HPSE2: variants seen among roughly 807,000 people sequenced by gnomAD.
The protein encoded by HPSE2 is inactive heparanase-2.
In HPSE2, 38 loss-of-function variants were observed where a neutral mutation model predicts 60.5. The observed-to-expected ratio is 0.63, with a 90% CI of 0.48 to 0.82. The LOEUF (loss-of-function observed/expected upper bound fraction) is 0.82. HPSE2 is among the 40% of genes least tolerant of loss of function. HPSE2 has a pLI of 0.00. For synonymous variants in HPSE2, 295 were observed against 293.2 expected, an observed-to-expected ratio of 1.01 and a Z score of -0.06; for missense variants, 713 against 740.4, an observed-to-expected ratio of 0.96 and a Z score of 0.43.
chr10:98,531,160 C>G (rs1259772266), intron 9 of HPSE2, among the ~76,000 whole-genome samples: 1 of 152,128 alleles, frequency 6.6e-6, no homozygotes, highest in Non-Finnish European at 1.5e-5. Flanking sequence ...AGATCAAAAG[C>G]AATAGGTGCT....
chr10:99,128,237 A>T (rs1845238700), intron 3 of HPSE2, among the ~76,000 whole-genome samples: 1 of 152,202 alleles, frequency 6.6e-6, no homozygotes, highest in African/African-American at 2.4e-5. Context: ...CTGGGAATGT[A>T]AGTTAGTTCA....
the HPSE2 span, among the ~76,000 whole-genome samples, chr10:99,292,187 G>T: frequency 6.6e-6 from 1 of 152,318 alleles, no homozygotes; most frequent in South Asian, 2.1e-4. Flanking sequence ...CAAGTAGCCA[G>T]ACACATCACA....
chr10:98,879,123 G>A (rs1200870995), intron 3 of HPSE2, among the ~76,000 whole-genome samples: 2 of 152,020 alleles, frequency 1.3e-5, no homozygotes, highest in African/African-American at 4.8e-5. Flanking sequence ...TAGTGGAGCT[G>A]TCAATGTGGT....
chr10:98,462,844 C>G (rs1940356407), intron 11 of HPSE2, among the ~76,000 whole-genome samples: 1 of 152,102 alleles, frequency 6.6e-6, no homozygotes, highest in Non-Finnish European at 1.5e-5. Flanking sequence ...TGTATCTCTA[C>G]CCTACCTACA....
chr10:98,561,373 CA>C, intron 9 of HPSE2, among the ~76,000 whole-genome samples: 1 of 150,938 alleles, frequency 6.6e-6, no homozygotes. Flanking sequence ...CAATAAACTT[CA>C]AAAGGTAAAA....
At chr10:99,313,592 ATTTTTTTT>A in the HPSE2 span, among the ~76,000 whole-genome samples, 1 of 84,622 alleles carries the variant, frequency 1.2e-5, no homozygotes, top group Non-Finnish European at 2.0e-5. Flanking sequence ...ACTGACTCCA[ATTTTTTTT>A]TTTTTTTTTT....
At chr10:99,116,455 T>G (rs1326746601) in intron 3 of HPSE2, among the ~76,000 whole-genome samples, 5 of 152,142 alleles carry the variant, frequency 3.3e-5, no homozygotes, top group Non-Finnish European at 7.3e-5. Context: ...AAGACAATGA[T>G]TCCTAAAATA....
Position 99,144,383 on chromosome 10 carries a change from A to T in HPSE2, c.465T>A (p.Asp155Glu). ...AGCCTTTCTGTTTATCTAAGGCAACATCACTTCGAACAATGTCTACAAAAA... is the reference window on the plus strand; with the variant it reads ...AGCCTTTCTGTTTATCTAAGGCAACTTCACTTCGAACAATGTCTACAAAAA... ...KNYEDDIVRS[D>E]VALDKQKGCK... Residue 155 changes from aspartate (D) to glutamate (E), a missense_variant, in exon 3 of 12, where the codon GAT (aspartate) becomes GAA (glutamate). Asp to Glu is a conservative substitution (Grantham distance 45, BLOSUM62 2). Transcript: ENST00000370552. 6.2e-7 allele frequency: 1 copy of T among 1,613,816 alleles called. No individual in the cohort carries two copies. The highest frequency in any genetic ancestry group is 2.2e-5 in the East Asian group (1 of 44,880).
rs183616160 is a variant in HPSE2 at position 99,102,557 on chromosome 10, G to A, written c.610+41681C>T. Among the ~76,000 whole-genome samples the A allele has an allele frequency of 2.0e-3, 299 of 152,210 alleles. 1 individual carries two copies. Among genetic ancestry groups the A allele is most frequent in the African/African-American group, 7.1e-3 (293 of 41,530 alleles). On this transcript the variant is annotated intron_variant, in intron 3 of 11. Coordinates refer to ENST00000370552, the MANE Select transcript of HPSE2 (RefSeq NM_021828.5). The stretch of plus-strand genomic sequence containing the variant: ...CAGCCGAATTCTACCAGCGGTACAA[G>A]GAGGAGCTGGTACCATTCTTTCTGA...
chr10:98,767,494 C>T (rs985979735), intron 3 of HPSE2, among the ~76,000 whole-genome samples: 13 of 148,302 alleles, frequency 8.8e-5, no homozygotes, highest in African/African-American at 3.2e-4. Context: ...ATGATATATA[C>T]ATGTATATGT....
chr10:99,295,590 C>A, the HPSE2 span, among the ~76,000 whole-genome samples: 2 of 152,010 alleles, frequency 1.3e-5, no homozygotes, highest in Non-Finnish European at 2.9e-5. Flanking sequence ...CTGTATTTAA[C>A]TTTTTTATAC....
At chr10:99,106,767 T>G (rs6584235) in intron 3 of HPSE2, among the ~76,000 whole-genome samples, 77,204 of 151,920 alleles carry the variant, frequency 0.51, 21,388 homozygotes, top group East Asian at 0.65. Context: ...TTATAGCTAA[T>G]AAAGTTGGGG....
intron 3 of HPSE2, among the ~76,000 whole-genome samples, chr10:98,989,895 C>G (rs189152048): frequency 6.6e-6 from 1 of 152,184 alleles, no homozygotes; most frequent in Non-Finnish European, 1.5e-5. Context: ...TCTGCTGTCT[C>G]ATCACTGAAT....
At chr10:99,265,172 C>T in the HPSE2 span, among the ~76,000 whole-genome samples, 5 of 152,178 alleles carry the variant, frequency 3.3e-5, no homozygotes, top group Admixed American at 6.5e-5. Flanking sequence ...TATATTCTCC[C>T]TCGCCCTTAA....
intron 3 of HPSE2, among the ~76,000 whole-genome samples, chr10:99,097,663 A>G (rs1843765798): frequency 6.6e-6 from 1 of 152,198 alleles, no homozygotes; most frequent in Admixed American, 6.6e-5. Flanking sequence ...ACCTAGGAAT[A>G]TCCCTATGTT....
intron 9 of HPSE2, among the ~76,000 whole-genome samples, chr10:98,536,168 C>G (rs1265206150): frequency 6.6e-6 from 1 of 152,138 alleles, no homozygotes; most frequent in African/African-American, 2.4e-5. Context: ...CACTTTATAC[C>G]CATCAACCTC....
chr10:99,128,107 C>G (rs1408341058), intron 3 of HPSE2, among the ~76,000 whole-genome samples: 5 of 152,106 alleles, frequency 3.3e-5, no homozygotes, highest in African/African-American at 1.2e-4. Flanking sequence ...GGTATTCAGG[C>G]AACAATTAGA....
intron 3 of HPSE2, among the ~76,000 whole-genome samples, chr10:98,766,841 C>T (rs1950130004): frequency 6.6e-6 from 1 of 152,102 alleles, no homozygotes; most frequent in Non-Finnish European, 1.5e-5. Flanking sequence ...GGGAGGATCA[C>T]CTGAGCCTGG....
intron 3 of HPSE2, among the ~76,000 whole-genome samples, chr10:99,086,167 G>A (rs12780598): frequency 0.51 from 77,019 of 151,746 alleles, 21,324 homozygotes; most frequent in East Asian, 0.65. Flanking sequence ...GGCCCCTTCA[G>A]TGTATGCTGA....
Sources: gnomAD v4.1 joint callset for allele counts (sites outside exome capture counted in the v4.1 genomes callset) on GRCh38, gnomAD v4.1.1 for gene constraint, MANE v1.5 for transcripts, NCBI Gene and HGNC (gene_info 2026-07-23, HGNC 2026-07-21) for gene names.